The following HEMK2 variants were observed in gnomAD, a reference collection of about 807,000 sequenced individuals.
HEMK2 encodes methyltransferase HEMK2.
chr21:28,795,388 T>A, the HEMK2 span, among the ~76,000 whole-genome samples: 1 of 151,990 alleles, frequency 6.6e-6, no homozygotes, highest in African/African-American at 2.4e-5. Flanking sequence ...CACTGCCTAA[T>A]AAGGACCTCA....
chr21:28,851,337 C>T, the HEMK2 span, among the ~76,000 whole-genome samples: 1,511 of 152,210 alleles, frequency 9.9e-3, 13 homozygotes, highest in Middle Eastern at 0.02. Context: ...ACAGCTTGCA[C>T]AGCAGCCTGG....
chr21:28,641,050 T>C, the HEMK2 span, among the ~76,000 whole-genome samples: 4 of 152,234 alleles, frequency 2.6e-5, no homozygotes, highest in Admixed American at 2.6e-4. Flanking sequence ...AGTGCCTCTT[T>C]GTTATTGTCT....
chr21:28,681,805 A>C, the HEMK2 span, among the ~76,000 whole-genome samples: 1 of 152,090 alleles, frequency 6.6e-6, no homozygotes, highest in African/African-American at 2.4e-5. Flanking sequence ...TGGGGAAATG[A>C]TTCCCTATTT....
chr21:28,626,132 GA>G, the HEMK2 span, among the ~76,000 whole-genome samples: 1,699 of 147,066 alleles, frequency 0.012, 21 homozygotes, highest in African/African-American at 0.037. Context: ...ACTATTTAAA[GA>G]AAAAAAAAAG....
At chr21:28,696,994 C>T in the HEMK2 span, among the ~76,000 whole-genome samples, 2 of 137,006 alleles carry the variant, frequency 1.5e-5, no homozygotes, top group Non-Finnish European at 3.0e-5. Context: ...GAGCCCTGGA[C>T]CTGGCCAAGG....
chr21:28,577,792 TA>T, the HEMK2 span, among the ~76,000 whole-genome samples: 12 of 152,164 alleles, frequency 7.9e-5, no homozygotes, highest in African/African-American at 2.7e-4. Flanking sequence ...CTGACACCCC[TA>T]CCCACATCCA....
chr21:28,844,354 G>T, the HEMK2 span, among the ~76,000 whole-genome samples: 1 of 151,932 alleles, frequency 6.6e-6, no homozygotes, highest in Non-Finnish European at 1.5e-5. Context: ...ATCCTATACA[G>T]AAATGTGATG....
At chr21:28,878,180 G>A in the HEMK2 span, 2 of 1,523,992 alleles carry the variant, frequency 1.3e-6, no homozygotes, top group Non-Finnish European at 1.8e-6. Context: ...ACAATAAATT[G>A]GTCTGTATTA....
chr21:28,594,719 C>G, the HEMK2 span, among the ~76,000 whole-genome samples: 1 of 152,150 alleles, frequency 6.6e-6, no homozygotes, highest in Non-Finnish European at 1.5e-5. Flanking sequence ...ATCTAAATCT[C>G]TTTTTCCTTT....
the HEMK2 span, among the ~76,000 whole-genome samples, chr21:28,862,400 G>A: frequency 2.0e-5 from 3 of 148,314 alleles, 1 homozygote; most frequent in African/African-American, 5.2e-5. Flanking sequence ...AGCACTTTGG[G>A]AGGCCGAGGC....
the HEMK2 span, among the ~76,000 whole-genome samples, chr21:28,854,977 C>T: frequency 6.6e-6 from 1 of 152,150 alleles, no homozygotes. Context: ...TAATAACTAG[C>T]TAACAACATT....
chr21:28,651,815 A>C, the HEMK2 span, among the ~76,000 whole-genome samples: 1 of 152,234 alleles, frequency 6.6e-6, no homozygotes, highest in Non-Finnish European at 1.5e-5. Context: ...AGAAAAGTTT[A>C]ATAGAAATTT....
chr21:28,770,633 A>G, the HEMK2 span, among the ~76,000 whole-genome samples: 1 of 151,934 alleles, frequency 6.6e-6, no homozygotes, highest in Non-Finnish European at 1.5e-5. Flanking sequence ...GAGTGAATTA[A>G]TTATCTCAAG....
At chr21:28,772,340 T>C in the HEMK2 span, among the ~76,000 whole-genome samples, 1 of 152,306 alleles carries the variant, frequency 6.6e-6, no homozygotes, top group East Asian at 1.9e-4. Context: ...AATATTTTAA[T>C]TGGCCTTTAA....
chr21:28,594,475 T>C, the HEMK2 span, among the ~76,000 whole-genome samples: 1 of 152,194 alleles, frequency 6.6e-6, no homozygotes, highest in Non-Finnish European at 1.5e-5. Context: ...AATGTTTCTG[T>C]ACACTTAAAC....
the HEMK2 span, among the ~76,000 whole-genome samples, chr21:28,717,442 T>C: frequency 5.3e-5 from 8 of 151,978 alleles, no homozygotes; most frequent in East Asian, 1.5e-3. Flanking sequence ...TGAGGATCTT[T>C]TGTATTTCTA....
At chr21:28,641,561 G>A in the HEMK2 span, among the ~76,000 whole-genome samples, 1 of 152,264 alleles carries the variant, frequency 6.6e-6, no homozygotes, top group East Asian at 1.9e-4. Context: ...ATGGATAGAA[G>A]GTCAAAGGAT....
the HEMK2 span, among the ~76,000 whole-genome samples, chr21:28,652,218 CT>C: frequency 6.6e-6 from 1 of 152,140 alleles, no homozygotes; most frequent in African/African-American, 2.4e-5. Flanking sequence ...TTTCTTCCCT[CT>C]TTCCTTTCAG....
the HEMK2 span, among the ~76,000 whole-genome samples, chr21:28,834,722 T>C: frequency 4.2e-4 from 64 of 152,070 alleles, no homozygotes; most frequent in Non-Finnish European, 8.4e-4. Context: ...CTTTCTTTTG[T>C]AGCGTGGAGG....
Sources: allele counts gnomAD v4.1 joint callset (sites outside exome capture counted in the v4.1 genomes callset), GRCh38; gene constraint gnomAD v4.1.1; transcripts MANE v1.5; gene names NCBI Gene and HGNC (gene_info 2026-07-23, HGNC 2026-07-21).